NBEAL1: variants seen among roughly 807,000 people sequenced by gnomAD.
The protein encoded by NBEAL1 is neurobeachin-like protein 1.
In NBEAL1, 273 loss-of-function variants were observed where a neutral mutation model predicts 351.3. The ratio of observed to expected loss-of-function variants is 0.78; its 90% CI spans 0.70 to 0.86. The LOEUF is 0.86. NBEAL1 is among the 40% of genes least tolerant of loss of function. The pLI is 0.00. For synonymous variants in NBEAL1, 1,050 were observed against 1,086.4 expected (o/e 0.97, Z 0.66); for missense variants, 2,961 against 3,201.3 (o/e 0.92, Z 1.81).
intron 2 of NBEAL1, among the ~76,000 whole-genome samples, chr2:203,024,456 G>A (rs2060822089): frequency 6.6e-6 from 1 of 151,430 alleles, no homozygotes; most frequent in African/African-American, 2.4e-5. Context: ...TACTTAGGAG[G>A]CAAGAGAATC....
At chr2:203,033,160 A>G (rs905385485) in intron 2 of NBEAL1, among the ~76,000 whole-genome samples, 3 of 151,446 alleles carry the variant, frequency 2.0e-5, no homozygotes, top group African/African-American at 4.8e-5. Context: ...GCCACCACGC[A>G]TGGCTAATTT....
chr2:203,172,344 A>AACCCC (rs1424938947), intron 40 of NBEAL1, among the ~76,000 whole-genome samples: 2 of 152,074 alleles, frequency 1.3e-5, no homozygotes, highest in Non-Finnish European at 2.9e-5. Flanking sequence ...AACATGGTGA[A>AACCCC]ACCCCGTCTC....
rs1291631149 is a variant in NBEAL1 at position 203,218,903 on chromosome 2, G to GT, written c.*1553dup. On this transcript the variant is annotated 3_prime_UTR_variant, in exon 56 of 56. Transcript: ENST00000683969. ...GTTTTATTAAGGAAAAAATAGCTAT[G>GT]TTTTAGGTAAATAACTCTGAAATAA... 1 of 152,104 alleles carries GT rather than the reference G, an allele frequency of 6.6e-6. No homozygotes were observed. Among genetic ancestry groups the GT allele is most frequent in the African/African-American group, 2.4e-5 (1 of 41,418 alleles). The allele number at this position is 152,104 out of a possible 1,614,324, so 9.4% of individuals were successfully genotyped here. A position where few individuals can be genotyped will look rare whatever the true frequency, so the allele number is the denominator to read the frequency against.
intron 2 of NBEAL1, among the ~76,000 whole-genome samples, chr2:203,017,758 A>G (rs2060704384): frequency 6.6e-6 from 1 of 152,068 alleles, no homozygotes; most frequent in Non-Finnish European, 1.5e-5. Flanking sequence ...ATTAAATTTA[A>G]TATTAAAGCT....
chr2:203,167,474 G>GA (rs1451311439), intron 38 of NBEAL1, 114 bp downstream of exon 38: 1 of 1,059,744 alleles, frequency 9.4e-7, no homozygotes, highest in Non-Finnish European at 1.3e-6. Context: ...AATGTTAGAG[G>GA]AAAAAATACA....
At chr2:203,083,724 C>T (rs2061912827) in intron 9 of NBEAL1, among the ~76,000 whole-genome samples, 199 bp downstream of exon 9, 2 of 152,088 alleles carry the variant, frequency 1.3e-5, no homozygotes, top group Admixed American at 1.3e-4. Flanking sequence ...TTAACAATAA[C>T]AAAGTCAAGT....
intron 53 of NBEAL1, 148 bp downstream of exon 53, chr2:203,209,470 C>T (rs763367395): frequency 7.0e-6 from 4 of 573,672 alleles, no homozygotes; most frequent in Non-Finnish European, 1.2e-5. Context: ...CGTTTCTTAA[C>T]ATTAGATGGC....
At position 203,190,342 on chromosome 2, in the gene NBEAL1, G is replaced by A; in HGVS notation, c.6874G>A (p.Glu2292Lys). 1 of 1,612,770 alleles carries A rather than the reference G, an allele frequency of 6.2e-7. No homozygotes were observed. The highest frequency in any genetic ancestry group is 8.5e-7 in the Non-Finnish European group (1 of 1,179,728). Residue 2292 changes from glutamate to lysine, a missense_variant, in exon 46 of 56, where the codon GAA becomes AAA. By Grantham distance (56) the Glu-to-Lys change is moderately conservative (BLOSUM62 1). Transcript: ENST00000683969. ...AGATGAGAAAGAAAGAAAAGCCTTA[G>A]AAGGGATGATTAATAATTTTGGGCA... ...LTDEKERKALEGMINNFGQTP... is the reference protein window; with the variant it reads ...LTDEKERKALKGMINNFGQTP...
chr2:203,092,231 CT>C (rs1223342019), intron 10 of NBEAL1, among the ~76,000 whole-genome samples: 1 of 151,890 alleles, frequency 6.6e-6, no homozygotes, highest in Non-Finnish European at 1.5e-5. Context: ...AATTTTTTTA[CT>C]AATTTATACA....
chr2:203,020,744 C>G (rs1442899794), intron 2 of NBEAL1, among the ~76,000 whole-genome samples: 1 of 151,974 alleles, frequency 6.6e-6, no homozygotes, highest in African/African-American at 2.4e-5. Context: ...GTTGTCCCCA[C>G]CCAGGGTCAA....
chr2:203,080,235 C>T (rs996930407), intron 8 of NBEAL1, among the ~76,000 whole-genome samples: 9 of 151,598 alleles, frequency 5.9e-5, no homozygotes, highest in African/African-American at 1.9e-4. Context: ...TGGTGAAACC[C>T]TGTCTGTACT....
intron 2 of NBEAL1, among the ~76,000 whole-genome samples, chr2:203,018,328 T>C (rs2060714421): frequency 6.6e-6 from 1 of 151,888 alleles, no homozygotes; most frequent in African/African-American, 2.4e-5. Flanking sequence ...TCAGATCTTC[T>C]TATGAAAATA....
chr2:203,207,034 CCAT>C (rs1215320924), intron 51 of NBEAL1, among the ~76,000 whole-genome samples: 1 of 151,886 alleles, frequency 6.6e-6, no homozygotes, highest in African/African-American at 2.4e-5. Context: ...GTCCGGCCGC[CCAT>C]CATCTGAGAT....
At chr2:203,114,348 G>A (rs1395982097) in intron 17 of NBEAL1, among the ~76,000 whole-genome samples, 1 of 152,182 alleles carries the variant, frequency 6.6e-6, no homozygotes, top group Non-Finnish European at 1.5e-5. Context: ...ATCTCTAGAA[G>A]AAATTATGTA....
intron 53 of NBEAL1, among the ~76,000 whole-genome samples, chr2:203,209,927 T>G (rs1324143792): frequency 6.6e-6 from 1 of 152,060 alleles, no homozygotes; most frequent in Non-Finnish European, 1.5e-5. Flanking sequence ...TTTTTTTAAT[T>G]TTTGTTAGAG....
At chr2:203,197,280 C>T in intron 47 of NBEAL1, 22 bp from the exon 48 acceptor site, 3 of 1,423,318 alleles carry the variant, frequency 2.1e-6, no homozygotes, top group Non-Finnish European at 3.0e-6. Flanking sequence ...GAACCAGCCA[C>T]TAAACCTCTT....
rs754932654 is a variant in NBEAL1 at position 203,213,503 on chromosome 2, TTA to T, written c.7935-13_7935-12del. 2.0e-5 allele frequency: 32 copies of T among 1,601,784 alleles called. No individual in the cohort carries two copies. The highest frequency in any genetic ancestry group is 2.4e-5 in the Non-Finnish European group (28 of 1,174,038). On this transcript the variant is annotated splice_polypyrimidine_tract_variant and intron_variant, in intron 54 of 55. Coordinates refer to ENST00000683969, the MANE Select transcript of NBEAL1 (RefSeq NM_001378026.1). ...ATCCGTGTAATTATGTCTGTATTTT[TTA>T]TTTCTTTTCTAGCTTGAATCTCAGC...
At chr2:203,196,087 A>G (rs1371283640) in intron 47 of NBEAL1, among the ~76,000 whole-genome samples, 1 of 152,218 alleles carries the variant, frequency 6.6e-6, no homozygotes, top group African/African-American at 2.4e-5. Flanking sequence ...TACTGCATGT[A>G]AAACAACACA....
chr2:203,026,583 C>G (rs150507088), intron 2 of NBEAL1, among the ~76,000 whole-genome samples: 1 of 149,386 alleles, frequency 6.7e-6, no homozygotes, highest in African/African-American at 2.5e-5. Context: ...GGTGTGATCT[C>G]GGCTCACTGC....
Sources: gnomAD v4.1 joint callset for allele counts (sites outside exome capture counted in the v4.1 genomes callset) on GRCh38, gnomAD v4.1.1 for gene constraint, MANE v1.5 for transcripts, NCBI Gene and HGNC (gene_info 2026-07-23, HGNC 2026-07-21) for gene names.